The following GRIK2 variants were observed in gnomAD, a reference collection of about 807,000 sequenced individuals.
GRIK2 encodes glutamate receptor ionotropic, kainate 2.
GRIK2 carries 32 observed loss-of-function variants against 100.3 expected under a neutral mutation model. That is an observed-to-expected ratio of 0.32 (90% CI 0.24 to 0.43). The LOEUF (loss-of-function observed/expected upper bound fraction) is 0.43. GRIK2 is among the 20% of genes least tolerant of loss of function. The pLI, the probability that GRIK2 is intolerant of heterozygous loss-of-function variation, is 1.00. For synonymous variants in GRIK2, 417 were observed against 389.4 expected, an observed-to-expected ratio of 1.07 and a Z score of -0.83; for missense variants, 843 against 1,114.9, an observed-to-expected ratio of 0.76 and a Z score of 3.47.
At chr6:101,448,715 T>A (rs755552804) in intron 2 of GRIK2, among the ~76,000 whole-genome samples, 6 of 151,560 alleles carry the variant, frequency 4.0e-5, no homozygotes, top group Non-Finnish European at 7.4e-5. Context: ...GTCACAGATA[T>A]AGCCTGAGAG....
At chr6:101,803,500 A>G (rs1780801074) in intron 9 of GRIK2, among the ~76,000 whole-genome samples, 1 of 151,882 alleles carries the variant, frequency 6.6e-6, no homozygotes, top group Non-Finnish European at 1.5e-5. Flanking sequence ...GGAATATTTT[A>G]TAATAAACTG....
At chr6:101,717,376 T>C (rs1774146349) in intron 7 of GRIK2, among the ~76,000 whole-genome samples, 1 of 151,830 alleles carries the variant, frequency 6.6e-6, no homozygotes, top group South Asian at 2.1e-4. Context: ...CTGATTTCTC[T>C]CAGACATCGG....
intron 2 of GRIK2, among the ~76,000 whole-genome samples, chr6:101,438,416 A>G (rs1202101517): frequency 2.0e-5 from 3 of 152,136 alleles, no homozygotes; most frequent in Non-Finnish European, 2.9e-5. Flanking sequence ...AATTCTTTAG[A>G]TGAATTTTAT....
intron 2 of GRIK2, among the ~76,000 whole-genome samples, chr6:101,565,215 T>C (rs898055444): frequency 2.6e-5 from 4 of 151,972 alleles, no homozygotes; most frequent in Non-Finnish European, 5.9e-5. Context: ...AAGAGAAAAA[T>C]AGGCCCTTCT....
intron 7 of GRIK2, among the ~76,000 whole-genome samples, chr6:101,770,626 C>T (rs771854137): frequency 2.6e-5 from 4 of 152,124 alleles, no homozygotes; most frequent in Admixed American, 6.6e-5. Context: ...ATTGACCTAC[C>T]GGCTAAAAGG....
rs149591980 is a variant in GRIK2, at chr6:101,611,696, G to C, written c.116-10253G>C. Among the ~76,000 whole-genome samples, 332 of 151,784 alleles carry C rather than the reference G, an allele frequency of 2.2e-3. 1 individual carries two copies. The highest frequency in any genetic ancestry group is 7.7e-3 in the African/African-American group (320 of 41,462). On this transcript the variant is annotated intron_variant, in intron 2 of 16. Transcript: ENST00000369134. ...TAGGAAGGGTGGGAGATATTTTTCA[G>C]CGTGAAGTGGAGACCAGACACTCCT...
intron 2 of GRIK2, among the ~76,000 whole-genome samples, chr6:101,542,196 A>G (rs1231290282): frequency 6.6e-6 from 1 of 151,990 alleles, no homozygotes; most frequent in African/African-American, 2.4e-5. Context: ...AGTAGAACTA[A>G]TCATAGTTTA....
At chr6:101,659,227 A>G (rs1165807699) in intron 4 of GRIK2, among the ~76,000 whole-genome samples, 2 of 152,222 alleles carry the variant, frequency 1.3e-5, no homozygotes, top group Non-Finnish European at 2.9e-5. Flanking sequence ...AGTTTTCTGC[A>G]TATGACCAGC....
chr6:101,760,629 A>ATT (rs1488501271), intron 7 of GRIK2, among the ~76,000 whole-genome samples: 1 of 111,668 alleles, frequency 9.0e-6, no homozygotes, highest in Non-Finnish European at 1.7e-5. Context: ...TATATGTTTA[A>ATT]TTATATATAA....
intron 4 of GRIK2, among the ~76,000 whole-genome samples, chr6:101,627,098 TGTGTGC>T (rs1364409178): frequency 7.0e-4 from 100 of 143,302 alleles, no homozygotes; most frequent in Middle Eastern, 6.9e-3. Context: ...AATGTGTGTG[TGTGTGC>T]GTGTGTGTGT....
chr6:101,982,742 A>T (rs763775245), intron 14 of GRIK2, among the ~76,000 whole-genome samples: 2 of 151,332 alleles, frequency 1.3e-5, no homozygotes, highest in Non-Finnish European at 3.0e-5. Flanking sequence ...ACATAAGTGT[A>T]GACTACAGCA....
rs536445150 is a variant in GRIK2 at position 101,419,343 on chromosome 6, C to T, written c.115+19951C>T. ...AGTAGCTTCATTCAATAATTAAGAG[C>T]TCATTCAGGCCTGTGCAAAGAGGCT... On this transcript the variant is annotated intron_variant, in intron 2 of 16. Transcript: ENST00000369134. 3.3e-5 allele frequency among the ~76,000 whole-genome samples: 5 copies of T among 152,256 alleles called. No homozygotes were observed. In the East Asian group the frequency reaches 9.7e-4, roughly 29 times the overall value.
Position 101,889,872 on chromosome 6 carries a change from C to T in GRIK2, c.1748+9C>T, listed in dbSNP as rs1384896109. 1 of 1,559,392 alleles carries T rather than the reference C, an allele frequency of 6.4e-7. No individual in the cohort carries two copies. The highest frequency in any genetic ancestry group is 8.8e-7 in the Non-Finnish European group (1 of 1,131,306). ...CTCTTTGTCATAGCCAGGTAACATG[C>T]TCACTTTTGTGATTTTTTTGGCAAT... is the stretch of plus-strand genomic sequence containing the variant. On this transcript the variant is annotated intron_variant, in intron 12 of 16. Transcript: ENST00000369134.
At chr6:102,012,555 C>T (rs1795606991) in intron 14 of GRIK2, among the ~76,000 whole-genome samples, 2 of 152,140 alleles carry the variant, frequency 1.3e-5, no homozygotes, top group South Asian at 2.1e-4. Context: ...CTCAAATAGA[C>T]CTTGTGCATA....
intron 2 of GRIK2, among the ~76,000 whole-genome samples, chr6:101,423,120 ACT>A (rs1776498905): frequency 6.6e-6 from 1 of 152,112 alleles, no homozygotes; most frequent in African/African-American, 2.4e-5. Flanking sequence ...TTTGTATGTT[ACT>A]CTCTTTCTCT....
intron 7 of GRIK2, among the ~76,000 whole-genome samples, chr6:101,779,349 C>T (rs1268513490): frequency 6.6e-6 from 1 of 151,890 alleles, no homozygotes; most frequent in Admixed American, 6.6e-5. Flanking sequence ...ATAAGATACA[C>T]CAAGCAATAA....
intron 10 of GRIK2, among the ~76,000 whole-genome samples, chr6:101,831,180 A>G (rs1782657956): frequency 6.6e-6 from 1 of 152,150 alleles, no homozygotes; most frequent in South Asian, 2.1e-4. Flanking sequence ...TTATATGTAG[A>G]AAGTTCATTT....
intron 16 of GRIK2, among the ~76,000 whole-genome samples, chr6:102,064,316 C>CCTT (rs1771898223): frequency 6.8e-6 from 1 of 147,848 alleles, no homozygotes; most frequent in Admixed American, 6.8e-5. Flanking sequence ...TCCTTCTCCT[C>CCTT]CTCCTTCCTT....
At chr6:101,881,256 T>C (rs1050934971) in intron 11 of GRIK2, among the ~76,000 whole-genome samples, 1 of 151,910 alleles carries the variant, frequency 6.6e-6, no homozygotes. Flanking sequence ...TGTTTAAATA[T>C]AATAATTATA....
Sources: allele counts gnomAD v4.1 joint callset (sites outside exome capture counted in the v4.1 genomes callset), GRCh38; gene constraint gnomAD v4.1.1; transcripts MANE v1.5; gene names NCBI Gene and HGNC (gene_info 2026-07-23, HGNC 2026-07-21).